The following CYP7B1 variants were observed in gnomAD, a reference collection of about 807,000 sequenced individuals.
CYP7B1 encodes cytochrome P450 7B1.
CYP7B1 carries 29 observed loss-of-function variants against 42.7 expected under a neutral mutation model. The observed-to-expected ratio is 0.68, with a 90% CI of 0.51 to 0.93. CYP7B1 has a LOEUF of 0.93. CYP7B1 is among the 40% of genes least tolerant of loss of function. The probability of loss-of-function intolerance (pLI) is 0.00; values close to 1 mark genes in which losing one functional copy is unlikely to be tolerated. For missense variants in CYP7B1, 655 were observed against 600.5 expected, an observed-to-expected ratio of 1.09 and a Z score of -0.95; for synonymous variants, 235 against 218.2, an observed-to-expected ratio of 1.08 and a Z score of -0.68.
At chr8:64,624,963 T>C (rs1805588017) in intron 1 of CYP7B1, among the ~76,000 whole-genome samples, 2 of 24,242 alleles carry the variant, frequency 8.3e-5, no homozygotes, top group Non-Finnish European at 1.2e-4. Context: ...TTTTTTTTTT[T>C]TTTTTTTTTT....
chr8:64,700,635 G>A lies in CYP7B1; in HGVS notation c.123-76096C>T, dbSNP rs545345583. On this transcript the variant is annotated intron_variant, in intron 1 of 5. Coordinates refer to ENST00000310193, the MANE Select transcript of CYP7B1 (RefSeq NM_004820.5). ...TGTGGACTTCATGGGAGTCGTGATT[G>A]GTAATAAGCCTCTTTTTCTCATTTA... Among the ~76,000 whole-genome samples the A allele has an allele frequency of 2.0e-5, 3 of 152,164 alleles. No individual in the cohort carries two copies. In the South Asian group the frequency reaches 6.2e-4, roughly 32 times the overall value.
chr8:64,738,362 G>GA (rs886609510), intron 1 of CYP7B1, among the ~76,000 whole-genome samples: 22 of 151,124 alleles, frequency 1.5e-4, no homozygotes, highest in South Asian at 4.2e-4. Context: ...TATTAAGAAA[G>GA]AAAAAAAAAT....
chr8:64,702,199 T>C (rs1806927081), intron 1 of CYP7B1, among the ~76,000 whole-genome samples: 1 of 151,912 alleles, frequency 6.6e-6, no homozygotes, highest in Middle Eastern at 3.4e-3. Context: ...ATACTAAGCA[T>C]GAAAATAACC....
intron 1 of CYP7B1, among the ~76,000 whole-genome samples, chr8:64,664,934 A>T (rs997250120): frequency 6.6e-6 from 1 of 152,156 alleles, no homozygotes; most frequent in Non-Finnish European, 1.5e-5. Flanking sequence ...TTATGCATGG[A>T]ATTAGAATCT....
At chr8:64,754,376 T>C (rs1221044538) in intron 1 of CYP7B1, among the ~76,000 whole-genome samples, 3 of 152,198 alleles carry the variant, frequency 2.0e-5, no homozygotes, top group African/African-American at 4.8e-5. Flanking sequence ...TTTTAAGATC[T>C]GCAGGAGGTC....
intron 1 of CYP7B1, among the ~76,000 whole-genome samples, chr8:64,656,055 T>C (rs1402816023): frequency 1.3e-5 from 2 of 152,028 alleles, no homozygotes; most frequent in African/African-American, 4.8e-5. Flanking sequence ...AGGTAACTAT[T>C]GGGTACTGGG....
chr8:64,713,245 T>G (rs1807107512), intron 1 of CYP7B1, among the ~76,000 whole-genome samples: 1 of 152,084 alleles, frequency 6.6e-6, no homozygotes, highest in Non-Finnish European at 1.5e-5. Flanking sequence ...AAAGCTTAAC[T>G]GCATGCTAGA....
downstream of CYP7B1, among the ~76,000 whole-genome samples, chr8:64,588,092 T>C (rs974254951): frequency 6.6e-6 from 1 of 152,252 alleles, no homozygotes; most frequent in Admixed American, 6.5e-5. Context: ...TCAAGCATTT[T>C]ATTGCTGTAT....
At position 64,707,187 on chromosome 8, in the gene CYP7B1, G is replaced by A. The variant is rs549797811; in HGVS notation, c.123-82648C>T. ...CTAAGGCAATACTTTCATCCTTAAT[G>A]GAGTCCATTTAGTTTGAAGGTACCT... On this transcript the variant is annotated intron_variant, in intron 1 of 5. Transcript: ENST00000310193. Among the ~76,000 whole-genome samples, 4 of 152,132 alleles carry A rather than the reference G, an allele frequency of 2.6e-5. No homozygotes were observed. In the South Asian group the frequency reaches 8.3e-4, roughly 32 times the overall value.
At chr8:64,749,877 T>C (rs970830560) in intron 1 of CYP7B1, among the ~76,000 whole-genome samples, 2 of 152,176 alleles carry the variant, frequency 1.3e-5, no homozygotes, top group African/African-American at 4.8e-5. Flanking sequence ...GAAAATATGA[T>C]ACGGGAGTTG....
At chr8:64,655,670 C>T (rs1041927325) in intron 1 of CYP7B1, among the ~76,000 whole-genome samples, 3 of 152,090 alleles carry the variant, frequency 2.0e-5, no homozygotes, top group Non-Finnish European at 4.4e-5. Context: ...TGTATATACC[C>T]AGAGGAATAT....
intron 1 of CYP7B1, among the ~76,000 whole-genome samples, chr8:64,633,887 T>C (rs1441340709): frequency 1.3e-5 from 2 of 152,184 alleles, no homozygotes; most frequent in African/African-American, 2.4e-5. Context: ...GAGTGTGGTA[T>C]TGATGAAAGA....
chr8:64,627,559 C>G (rs1805627285), intron 1 of CYP7B1, among the ~76,000 whole-genome samples: 1 of 152,198 alleles, frequency 6.6e-6, no homozygotes, highest in African/African-American at 2.4e-5. Context: ...CAACTAATTT[C>G]ATCCTCTATG....
At chr8:64,785,702 G>A (rs1203968769) in intron 1 of CYP7B1, among the ~76,000 whole-genome samples, 2 of 152,102 alleles carry the variant, frequency 1.3e-5, no homozygotes, top group South Asian at 2.1e-4. Context: ...CCAAAGGTTA[G>A]GTAGGTAAGA....
chr8:64,702,502 A>G (rs139538377), intron 1 of CYP7B1, among the ~76,000 whole-genome samples: 9 of 152,186 alleles, frequency 5.9e-5, no homozygotes, highest in Non-Finnish European at 1.3e-4. Context: ...TTGTTTATCA[A>G]TTAAAGTGAT....
intron 2 of CYP7B1, among the ~76,000 whole-genome samples, chr8:64,623,294 T>C (rs914542736): frequency 6.6e-6 from 1 of 152,212 alleles, no homozygotes; most frequent in Non-Finnish European, 1.5e-5. Context: ...TTGCAATATC[T>C]GAGCCTAGGC....
chr8:64,662,427 A>G (rs1220991407), intron 1 of CYP7B1, among the ~76,000 whole-genome samples: 3 of 152,126 alleles, frequency 2.0e-5, no homozygotes, highest in African/African-American at 7.2e-5. Context: ...GCTTTCCATG[A>G]TCTAATTTAC....
intron 2 of CYP7B1, 95 bp downstream of exon 2, chr8:64,624,308 A>C: frequency 8.5e-7 from 1 of 1,175,534 alleles, no homozygotes; most frequent in Non-Finnish European, 1.2e-6. Flanking sequence ...AAATATACAA[A>C]TATTCTACAT....
intron 1 of CYP7B1, among the ~76,000 whole-genome samples, chr8:64,738,269 G>A (rs981753515): frequency 2.0e-5 from 3 of 152,154 alleles, no homozygotes; most frequent in African/African-American, 7.2e-5. Flanking sequence ...ATACCAATAA[G>A]CACTCCATAT....
Sources: gnomAD v4.1 joint callset for allele counts (sites outside exome capture counted in the v4.1 genomes callset) on GRCh38, gnomAD v4.1.1 for gene constraint, MANE v1.5 for transcripts, NCBI Gene and HGNC (gene_info 2026-07-23, HGNC 2026-07-21) for gene names.